Variants in STXBP5L observed in about 807,000 individuals in gnomAD.
STXBP5L encodes syntaxin binding protein 5L, also known as syntaxin-binding protein 5-like.
STXBP5L carries 65 observed loss-of-function variants against 144.5 expected under a neutral mutation model. The ratio of observed to expected loss-of-function variants is 0.45; its 90% CI spans 0.37 to 0.55. The LOEUF (loss-of-function observed/expected upper bound fraction) is 0.55. Among genes scored for constraint, STXBP5L ranks in the 20% least tolerant of loss-of-function variants. The pLI, the probability that STXBP5L is intolerant of heterozygous loss-of-function variation, is 0.00. For missense variants in STXBP5L, 1,298 were observed against 1,405.5 expected (o/e 0.92, Z 1.22); for synonymous variants, 505 against 469.6 (o/e 1.08, Z -0.97).
intron 25 of STXBP5L, among the ~76,000 whole-genome samples, 154 bp downstream of exon 25, chr3:121,416,122 C>T (rs1244022754): frequency 7.4e-6 from 1 of 135,266 alleles, no homozygotes; most frequent in Non-Finnish European, 1.6e-5. Context: ...TTGTTTCCTT[C>T]TGTACCATAA....
chr3:121,322,446 C>A (rs1395014761), intron 20 of STXBP5L, among the ~76,000 whole-genome samples: 1 of 147,912 alleles, frequency 6.8e-6, no homozygotes, highest in Non-Finnish European at 1.5e-5. Flanking sequence ...CCATTGCACT[C>A]CAGCCTGGGC....
intron 3 of STXBP5L, among the ~76,000 whole-genome samples, chr3:120,992,711 A>T (rs900598558): frequency 1.3e-5 from 2 of 152,064 alleles, no homozygotes; most frequent in African/African-American, 4.8e-5. Flanking sequence ...CATTGATGGA[A>T]ACTTAGCTTG....
intron 3 of STXBP5L, among the ~76,000 whole-genome samples, chr3:121,025,664 A>G (rs1297052401): frequency 6.6e-6 from 1 of 151,640 alleles, no homozygotes; most frequent in Non-Finnish European, 1.5e-5. Flanking sequence ...TCAAATTCCA[A>G]TAGTTTCTGT....
chr3:121,355,867 G>A (rs921517420), intron 20 of STXBP5L, among the ~76,000 whole-genome samples: 6 of 152,152 alleles, frequency 3.9e-5, no homozygotes, highest in Non-Finnish European at 5.9e-5. Flanking sequence ...TACAGATGGG[G>A]TTTTGGTGTA....
At chr3:121,131,190 C>T (rs534358998) in intron 7 of STXBP5L, among the ~76,000 whole-genome samples, 55 of 151,986 alleles carry the variant, frequency 3.6e-4, no homozygotes, top group African/African-American at 5.8e-4. Context: ...GAATAATACA[C>T]GAAACAAGAG....
chr3:121,293,677 T>A (rs767755382), intron 19 of STXBP5L, among the ~76,000 whole-genome samples: 4 of 152,118 alleles, frequency 2.6e-5, no homozygotes, highest in Non-Finnish European at 4.4e-5. Flanking sequence ...CTGGCCAATA[T>A]GGCGAAACCC....
intron 20 of STXBP5L, among the ~76,000 whole-genome samples, chr3:121,348,265 A>G (rs1481863379): frequency 1.3e-5 from 2 of 152,048 alleles, no homozygotes; most frequent in Admixed American, 6.6e-5. Flanking sequence ...ATGTTTATTG[A>G]CTTGCATATG....
At chr3:121,060,289 T>G (rs757132794) in intron 5 of STXBP5L, among the ~76,000 whole-genome samples, 5 of 152,222 alleles carry the variant, frequency 3.3e-5, no homozygotes, top group Non-Finnish European at 7.3e-5. Flanking sequence ...GATTTGCATA[T>G]GTTGAACCGG....
At chr3:121,318,003 G>T (rs1024021203) in intron 19 of STXBP5L, among the ~76,000 whole-genome samples, 2 of 152,036 alleles carry the variant, frequency 1.3e-5, no homozygotes, top group African/African-American at 4.8e-5. Flanking sequence ...TCTTATTTAT[G>T]ATCTATTTTC....
At chr3:121,257,588 T>A (rs922672632) in intron 17 of STXBP5L, among the ~76,000 whole-genome samples, 6 of 152,196 alleles carry the variant, frequency 3.9e-5, no homozygotes, top group African/African-American at 1.4e-4. Flanking sequence ...ATAGGAAGTT[T>A]GGCAGGGCAG....
chr3:121,374,627 A>G (rs1162921185), intron 20 of STXBP5L, among the ~76,000 whole-genome samples: 6 of 152,172 alleles, frequency 3.9e-5, no homozygotes, highest in Admixed American at 1.3e-4. Context: ...AAAGAACCAA[A>G]CAAATCCTAG....
intron 3 of STXBP5L, among the ~76,000 whole-genome samples, chr3:120,987,406 TATA>T (rs1942389707): frequency 6.6e-6 from 1 of 151,992 alleles, no homozygotes; most frequent in Non-Finnish European, 1.5e-5. Context: ...TTGCCATCTG[TATA>T]ATATCTTCCT....
intron 9 of STXBP5L, among the ~76,000 whole-genome samples, chr3:121,175,273 T>A (rs1311094726): frequency 6.6e-6 from 1 of 152,098 alleles, no homozygotes; most frequent in East Asian, 1.9e-4. Context: ...ATTTGAAGGT[T>A]TGGTGCACTG....
intron 14 of STXBP5L, among the ~76,000 whole-genome samples, chr3:121,248,792 T>C (rs1030502927): frequency 6.6e-6 from 1 of 152,208 alleles, no homozygotes; most frequent in Non-Finnish European, 1.5e-5. Context: ...TACATTTAAA[T>C]CTTTAATCCA....
At chr3:121,369,112 C>T (rs1484527338) in intron 20 of STXBP5L, among the ~76,000 whole-genome samples, 1 of 152,156 alleles carries the variant, frequency 6.6e-6, no homozygotes, top group African/African-American at 2.4e-5. Flanking sequence ...GGAACATGTG[C>T]ACAGCTGCCT....
At chr3:121,380,541 T>C (rs2046299560) in intron 21 of STXBP5L, among the ~76,000 whole-genome samples, 1 of 152,004 alleles carries the variant, frequency 6.6e-6, no homozygotes, top group African/African-American at 2.4e-5. Context: ...TTATGCTTAT[T>C]GGAGCGTGCA....
intron 3 of STXBP5L, among the ~76,000 whole-genome samples, chr3:120,966,319 G>A (rs939188283): frequency 4.6e-5 from 7 of 152,120 alleles, no homozygotes; most frequent in South Asian, 2.1e-4. Flanking sequence ...GCTTTGTTCC[G>A]TTGCTGGCGA....
At chr3:121,092,432 C>G (rs1368061578) in intron 5 of STXBP5L, among the ~76,000 whole-genome samples, 1 of 152,088 alleles carries the variant, frequency 6.6e-6, no homozygotes, top group Non-Finnish European at 1.5e-5. Flanking sequence ...TTGTTTGTAT[C>G]CTCTTTAAGT....
chr3:121,291,567 T>C (rs1405549434), intron 19 of STXBP5L, among the ~76,000 whole-genome samples: 1 of 152,038 alleles, frequency 6.6e-6, no homozygotes, highest in African/African-American at 2.4e-5. Context: ...CTAAAATTCA[T>C]TCACACAGTA....
Sources: allele counts gnomAD v4.1 joint callset (sites outside exome capture counted in the v4.1 genomes callset), GRCh38; gene constraint gnomAD v4.1.1; transcripts MANE v1.5; gene names NCBI Gene and HGNC (gene_info 2026-07-23, HGNC 2026-07-21).